The following CFAP44 variants were observed in gnomAD, a reference collection of about 807,000 sequenced individuals.
CFAP44 encodes the protein cilia and flagella associated protein 44.
Under a neutral mutation model 216.2 loss-of-function variants are expected in CFAP44, and 134 were observed. That is an observed-to-expected ratio of 0.62 (90% CI 0.54 to 0.72). The LOEUF is 0.72. Ranked by LOEUF, CFAP44 falls within the 30% of genes least tolerant of loss-of-function variation. The pLI is 0.00. For missense variants in CFAP44, 2,035 were observed against 2,182.1 expected, an observed-to-expected ratio of 0.93 and a Z score of 1.34; for synonymous variants, 700 against 727.6, an observed-to-expected ratio of 0.96 and a Z score of 0.61.
chr3:113,370,970 C>T (rs938626077), intron 18 of CFAP44, among the ~76,000 whole-genome samples: 17 of 152,080 alleles, frequency 1.1e-4, no homozygotes, highest in African/African-American at 3.4e-4. Context: ...TGAGTGAACT[C>T]CCATTCACAA....
intron 21 of CFAP44, chr3:113,360,926 T>TAA (rs111698499): frequency 2.4e-4 from 50 of 207,850 alleles, no homozygotes; most frequent in South Asian, 8.1e-4. Flanking sequence ...GCTACTAATA[T>TAA]AAAAAAAAAA....
chr3:113,373,292 A>AT, intron 18 of CFAP44, 119 bp downstream of exon 18: 2 of 1,010,854 alleles, frequency 2.0e-6, no homozygotes, highest in Non-Finnish European at 1.3e-6. Flanking sequence ...TTAACCAAAT[A>AT]TTTTTTGAGT....
chr3:113,336,495 T>A (rs1471784441), intron 24 of CFAP44, among the ~76,000 whole-genome samples: 1 of 151,904 alleles, frequency 6.6e-6, no homozygotes, highest in African/African-American at 2.4e-5. Flanking sequence ...AGACACAAAT[T>A]ATAAAAACTA....
intron 24 of CFAP44, among the ~76,000 whole-genome samples, chr3:113,337,970 C>G (rs114002906): frequency 0.02 from 3,051 of 152,006 alleles, 47 homozygotes; most frequent in Non-Finnish European, 0.032. Context: ...ACAAAACTCT[C>G]TAATAAGGGA....
intron 32 of CFAP44, among the ~76,000 whole-genome samples, chr3:113,299,906 C>G (rs1296420393): frequency 6.6e-6 from 1 of 152,124 alleles, no homozygotes; most frequent in East Asian, 1.9e-4. Context: ...TGGTGTATGC[C>G]TGTAGTCCCA....
At chr3:113,408,904 T>C (rs1934370084) in intron 7 of CFAP44, among the ~76,000 whole-genome samples, 1 of 150,924 alleles carries the variant, frequency 6.6e-6, no homozygotes, top group Non-Finnish European at 1.5e-5. Flanking sequence ...ATCTATGCTG[T>C]TTGCAGAAAT....
chr3:113,350,590 T>C (rs1167295589), intron 22 of CFAP44, among the ~76,000 whole-genome samples: 2 of 152,240 alleles, frequency 1.3e-5, no homozygotes, highest in Admixed American at 1.3e-4. Flanking sequence ...TTGTTGTCAG[T>C]GTAAACAAGG....
intron 22 of CFAP44, among the ~76,000 whole-genome samples, chr3:113,352,844 T>G (rs1950457610): frequency 6.6e-6 from 1 of 152,192 alleles, no homozygotes; most frequent in Non-Finnish European, 1.5e-5. Context: ...CCTATTAGAT[T>G]GGTAAAGATG....
intron 22 of CFAP44, among the ~76,000 whole-genome samples, chr3:113,350,212 G>C (rs1576562733): frequency 6.6e-6 from 1 of 151,974 alleles, no homozygotes; most frequent in East Asian, 1.9e-4. Context: ...GAGAGACAAA[G>C]ACAGAGAGAA....
intron 18 of CFAP44, among the ~76,000 whole-genome samples, chr3:113,366,746 G>A (rs926673410): frequency 2.0e-5 from 3 of 152,240 alleles, no homozygotes; most frequent in Admixed American, 1.3e-4. Flanking sequence ...GCAAGCCGAA[G>A]CAAGGCAGGG....
intron 7 of CFAP44, 74 bp downstream of exon 7, chr3:113,409,027 AAAGTC>A: frequency 1.2e-6 from 1 of 852,504 alleles, no homozygotes; most frequent in Non-Finnish European, 1.7e-6. Context: ...AAAAAAAAAA[AAAGTC>A]TCCAGCTCTT....
rs528425215 is a variant in CFAP44 at position 113,424,509 on chromosome 3, G to C, written c.407+1615C>G. Among the ~76,000 whole-genome samples the C allele has an allele frequency of 9.2e-5, 14 of 152,180 alleles. No individual in the cohort carries two copies. In the East Asian group the frequency reaches 2.5e-3, roughly 27 times the overall value. On this transcript the variant is annotated intron_variant, in intron 4 of 34. Coordinates refer to ENST00000393845, the MANE Select transcript of CFAP44 (RefSeq NM_001164496.2). ...TATAATATACTAATAATCATTAAAG[G>C]GTTAATTAAAAGAGTACTTAGGGAA...
chr3:113,323,704 C>T (rs1950164788), intron 28 of CFAP44, among the ~76,000 whole-genome samples: 1 of 151,790 alleles, frequency 6.6e-6, no homozygotes, highest in East Asian at 1.9e-4. Context: ...TGAAATATAC[C>T]AATTCCTCAA....
intron 22 of CFAP44, among the ~76,000 whole-genome samples, chr3:113,356,671 C>T (rs1422920145): frequency 6.6e-6 from 1 of 151,926 alleles, no homozygotes; most frequent in African/African-American, 2.4e-5. Flanking sequence ...TCTCACACCA[C>T]CCATAAAAAT....
chr3:113,331,762 C>T (rs1214747860), intron 25 of CFAP44, among the ~76,000 whole-genome samples: 1 of 151,942 alleles, frequency 6.6e-6, no homozygotes, highest in Non-Finnish European at 1.5e-5. Flanking sequence ...TTTTCAAATA[C>T]CACACAAACC....
At position 113,396,735 on chromosome 3, in the gene CFAP44, A is replaced by T. The variant is rs762227261; in HGVS notation, c.1570-8T>A. On this transcript the variant is annotated splice_region_variant and splice_polypyrimidine_tract_variant and intron_variant, in intron 13 of 34. Coordinates refer to ENST00000393845, the MANE Select transcript of CFAP44 (RefSeq NM_001164496.2). Reference sequence around the variant, plus strand: ...TGCTCCAGTGAAGTTTACCTTGGAGAAAATTAAAGATAAGGGACCTGAAAC... The same window carrying T: ...TGCTCCAGTGAAGTTTACCTTGGAGTAAATTAAAGATAAGGGACCTGAAAC... 15 of 1,612,428 alleles carry T rather than the reference A, an allele frequency of 9.3e-6. No homozygotes were observed. In the Admixed American group the frequency reaches 1.5e-4, roughly 16 times the overall value.
intron 15 of CFAP44, among the ~76,000 whole-genome samples, chr3:113,391,513 C>T (rs972715609): frequency 1.3e-5 from 2 of 152,210 alleles, no homozygotes; most frequent in South Asian, 4.1e-4. Context: ...AACTTAAAAA[C>T]CTTCTGCGCA....
rs146076803 is a variant in CFAP44 at position 113,370,182 on chromosome 3, A to G, written c.2444+3229T>C. ...AGGAGCCAGTACCACTCCTTCTGAA[A>G]CTATTCCAATCAATAGAAAAAGAGG... is the stretch of plus-strand genomic sequence containing the variant. On this transcript the variant is annotated intron_variant, in intron 18 of 34. Transcript: ENST00000393845. Among the ~76,000 whole-genome samples the G allele has an allele frequency of 1.3e-4, 20 of 152,362 alleles. No individual in the cohort carries two copies. In the East Asian group the frequency reaches 3.9e-3, roughly 29 times the overall value.
rs1213628313 is a variant in CFAP44 at position 113,294,696 on chromosome 3, CTGTAG to C, written c.5359_5363del (p.Leu1787GlufsTer23). 6.5e-7 allele frequency: 1 copy of C among 1,530,638 alleles called. No homozygotes were observed. The highest frequency in any genetic ancestry group is 8.7e-7 in the Non-Finnish European group (1 of 1,144,906). The allele number at this position is 1,530,638 out of a possible 1,614,324, so 94.8% of individuals were successfully genotyped here. A position where few individuals can be genotyped will look rare whatever the true frequency, so the allele number is the denominator to read the frequency against. On this transcript the variant is annotated frameshift_variant, in exon 34 of 35. Transcript: ENST00000393845. LOFTEE classifies it low-confidence loss of function (END_TRUNC). ...AAGGTAAAGAACATACCTGCTGATT[CTGTAG>C]TGTATTCAACCGAGAATCAAGTTTC...
Sources: gnomAD v4.1 joint callset for allele counts (sites outside exome capture counted in the v4.1 genomes callset) on GRCh38, gnomAD v4.1.1 for gene constraint, MANE v1.5 for transcripts, NCBI Gene and HGNC (gene_info 2026-07-23, HGNC 2026-07-21) for gene names.